MEF2B: variants seen among roughly 807,000 people sequenced by gnomAD.
MEF2B encodes myocyte enhancer factor 2B, also known as myocyte-specific enhancer factor 2B.
A neutral mutation model predicts 32.2 loss-of-function variants in MEF2B; 15 were observed. The ratio of observed to expected loss-of-function variants is 0.47; its 90% CI spans 0.31 to 0.72. The LOEUF is 0.72. Ranked by LOEUF, MEF2B falls within the 30% of genes least tolerant of loss-of-function variation. The pLI is 0.05. For synonymous variants in MEF2B, 205 were observed against 225.6 expected (o/e 0.91, Z 0.82); for missense variants, 441 against 511.5 (o/e 0.86, Z 1.33).
rs927180400 is a variant in MEF2B at position 19,149,156 on chromosome 19, A to G, written c.258+70T>C. 3 of 1,574,796 alleles carry G rather than the reference A, an allele frequency of 1.9e-6. No individual in the cohort carries two copies. In the African/African-American group the frequency reaches 4.0e-5, roughly 21 times the overall value. On this transcript the variant is annotated intron_variant, in intron 3 of 8. Coordinates refer to ENST00000424583, the MANE Select transcript of MEF2B (RefSeq NM_001145785.2). ...AGACACTCATCTTTTGTGCAAACCA[A>G]GAGTCCCTGGGCTCTGAGAAAGCAG... is the stretch of plus-strand genomic sequence containing the variant.
chr19:19,149,538 C>A, intron 2 of MEF2B, 109 bp from the exon 3 acceptor site: 1 of 1,423,860 alleles, frequency 7.0e-7, no homozygotes, highest in South Asian at 1.3e-5. Context: ...CCTCAGGATT[C>A]TTTCTGGCTG....
At chr19:19,154,294 G>A (rs2060105578) in intron 1 of MEF2B, among the ~76,000 whole-genome samples, 1 of 152,094 alleles carries the variant, frequency 6.6e-6, no homozygotes, top group Non-Finnish European at 1.5e-5. Context: ...CTCCCAAGTA[G>A]TTGGGACAAC....
At chr19:19,154,425 G>T (rs1355449610) in intron 1 of MEF2B, among the ~76,000 whole-genome samples, 1 of 152,154 alleles carries the variant, frequency 6.6e-6, no homozygotes, top group African/African-American at 2.4e-5. Flanking sequence ...GCCTCCCAAA[G>T]TGCTGGGATT....
At chr19:19,166,066 G>A (rs1286362223) in intron 1 of MEF2B, among the ~76,000 whole-genome samples, 2 of 152,104 alleles carry the variant, frequency 1.3e-5, no homozygotes, top group African/African-American at 2.4e-5. Context: ...CTGACCCCCA[G>A]ACACCCCAGG....
chr19:19,148,723 ATTTT>A (rs869186816), intron 3 of MEF2B, among the ~76,000 whole-genome samples: 2 of 118,938 alleles, frequency 1.7e-5, no homozygotes, highest in Non-Finnish European at 3.8e-5. Context: ...TTATTTATTT[ATTTT>A]TTGAGACAGA....
intron 1 of MEF2B, among the ~76,000 whole-genome samples, chr19:19,168,268 CTTTTTTTTTTTTTTTT>C (rs1050853160): frequency 3.0e-4 from 30 of 99,030 alleles, no homozygotes; most frequent in South Asian, 1.8e-3. Flanking sequence ...TTTCTTTCTT[CTTTTTTTTTTTTTTTT>C]TTTTTTGAGA....
intron 2 of MEF2B, among the ~76,000 whole-genome samples, chr19:19,150,161 A>G (rs1599721916): frequency 1.1e-5 from 1 of 90,078 alleles, no homozygotes; most frequent in Non-Finnish European, 2.1e-5. Context: ...GGAAGGAGGG[A>G]GGGAGGGAAG....
intron 1 of MEF2B, 113 bp downstream of exon 1, chr19:19,170,092 C>T (rs1196458927): frequency 1.0e-5 from 4 of 397,550 alleles, no homozygotes; most frequent in Admixed American, 8.8e-5. Flanking sequence ...CCCCTTTAGA[C>T]ACACACCCCA....
intron 1 of MEF2B, among the ~76,000 whole-genome samples, chr19:19,153,993 T>A (rs2060103083): frequency 6.6e-6 from 1 of 151,964 alleles, no homozygotes; most frequent in Non-Finnish European, 1.5e-5. Flanking sequence ...CTGGAAGTGA[T>A]CCTCCTACCT....
chr19:19,156,410 T>G (rs1162341759), intron 1 of MEF2B, among the ~76,000 whole-genome samples: 2 of 151,958 alleles, frequency 1.3e-5, no homozygotes, highest in Non-Finnish European at 2.9e-5. Flanking sequence ...AAAAAATTTT[T>G]TTTTTAAAGG....
intron 1 of MEF2B, chr19:19,157,129 G>A: frequency 4.7e-6 from 1 of 211,150 alleles, no homozygotes; most frequent in Non-Finnish European, 1.1e-5. Flanking sequence ...TCCACTTCCA[G>A]CTCTCATGCA....
At position 19,146,268 on chromosome 19, in the gene MEF2B, C is replaced by G; in HGVS notation, c.881+5G>C. On this transcript the variant is annotated splice_donor_5th_base_variant and intron_variant, in intron 8 of 8. Transcript: ENST00000424583. ...TGGGACTTGCCGTCGTCTCAGGGCA[C>G]TTACCTGGGCTGGGAGGACACGGCG... The G allele has an allele frequency of 7.6e-7, 1 of 1,308,284 alleles. No homozygotes were observed. Among genetic ancestry groups the G allele is most frequent in the South Asian group, 1.9e-5 (1 of 52,354 alleles). 81.0% of individuals were successfully genotyped at this position (1,308,284 alleles called of 1,614,324 possible).
rs999306943 is a variant in MEF2B, at chr19:19,146,332, G to A, written c.822C>T (p.Thr274=). ...PPPPGLLQPP[T]LAPWQPSRGD... ...CCCTCGAGGGCTGCCAGGGGGCCAG[G>A]GTGGGGGGCTGCAACAAGCCAGGGG... Residue 274 remains threonine, a synonymous_variant, in exon 8 of 9, where the codon ACC becomes ACT. Transcript: ENST00000424583. 8.0e-7 allele frequency: 1 copy of A among 1,250,756 alleles called. No homozygotes were observed. The highest frequency in any genetic ancestry group is 1.0e-6 in the Non-Finnish European group (1 of 954,606). 77.5% of individuals were successfully genotyped at this position (1,250,756 alleles called of 1,614,324 possible).
At chr19:19,166,581 C>T (rs1286320467) in intron 1 of MEF2B, among the ~76,000 whole-genome samples, 7 of 31,572 alleles carry the variant, frequency 2.2e-4, no homozygotes, top group African/African-American at 7.8e-4. Flanking sequence ...CATAGGGAGA[C>T]CCCCCCATCT....
chr19:19,167,369 A>T (rs1311808985), intron 1 of MEF2B, among the ~76,000 whole-genome samples: 3 of 128,776 alleles, frequency 2.3e-5, no homozygotes, highest in Non-Finnish European at 3.5e-5. Context: ...AAAAAAAAAA[A>T]AAATTAGCTG....
chr19:19,163,266 C>T (rs11882061), intron 1 of MEF2B, among the ~76,000 whole-genome samples: 3,801 of 152,154 alleles, frequency 0.025, 140 homozygotes, highest in East Asian at 0.076. Flanking sequence ...AGCGATCATC[C>T]CACCTCAGCC....
At chr19:19,151,726 C>T (rs1197744201) in intron 1 of MEF2B, among the ~76,000 whole-genome samples, 3 of 152,184 alleles carry the variant, frequency 2.0e-5, no homozygotes, top group Admixed American at 1.3e-4. Flanking sequence ...GGGCAGCCCT[C>T]AGCACAGAAG....
chr19:19,153,061 G>C (rs950785593), intron 1 of MEF2B, among the ~76,000 whole-genome samples: 1 of 152,176 alleles, frequency 6.6e-6, no homozygotes, highest in Non-Finnish European at 1.5e-5. Flanking sequence ...GGGGGTGGAC[G>C]GGGGCCTTGG....
Position 19,145,747 on chromosome 19 carries a change from C to A in MEF2B, c.*50G>T. The A allele has an allele frequency of 1.3e-6, 2 of 1,558,044 alleles. No individual in the cohort carries two copies. Among genetic ancestry groups the A allele is most frequent in the South Asian group, 1.2e-5 (1 of 84,588 alleles). The stretch of plus-strand genomic sequence containing the variant: ...TGGAGGGAGGTGGGGTCCCCACGTG[C>A]CCTCGCCGTACCTGGCGAGCGCTCT... On this transcript the variant is annotated 3_prime_UTR_variant, in exon 9 of 9. Coordinates refer to ENST00000424583, the MANE Select transcript of MEF2B (RefSeq NM_001145785.2). The surrounding 1 kb of genome is among the most constrained non-coding windows in gnomAD (Gnocchi z 4.6).
Sources: gnomAD v4.1 joint callset for allele counts (sites outside exome capture counted in the v4.1 genomes callset) on GRCh38, gnomAD v4.1.1 for gene constraint, Gnocchi (gnomAD v3.1) non-coding constraint, MANE v1.5 for transcripts, NCBI Gene and HGNC (gene_info 2026-07-23, HGNC 2026-07-21) for gene names.